The following UQCC1 variants were observed in gnomAD, a reference collection of about 807,000 sequenced individuals.
The protein encoded by UQCC1 is bFGF-repressed Zic-binding protein.
In UQCC1, 38 loss-of-function variants were observed where a neutral mutation model predicts 48.0. The ratio of observed to expected loss-of-function variants is 0.79; its 90% CI spans 0.61 to 1.04. UQCC1 has a LOEUF of 1.04. Ranked by LOEUF, UQCC1 falls within the 50% of genes least tolerant of loss-of-function variation. The probability of loss-of-function intolerance (pLI) is 0.00; values close to 1 mark genes in which losing one functional copy is unlikely to be tolerated. For synonymous variants in UQCC1, 111 were observed against 129.2 expected (o/e 0.86, Z 0.95); for missense variants, 368 against 381.8 (o/e 0.96, Z 0.30).
At chr20:35,393,935 T>C (rs2062042797) in intron 2 of UQCC1, among the ~76,000 whole-genome samples, 157 bp downstream of exon 2, 1 of 152,306 alleles carries the variant, frequency 6.6e-6, no homozygotes, top group Non-Finnish European at 1.5e-5. Context: ...CTAGACACCA[T>C]ACTTTAGGAA....
At chr20:35,374,365 C>T (rs1424973620) in intron 4 of UQCC1, 109 bp from the exon 5 acceptor site, 3 of 757,824 alleles carry the variant, frequency 4.0e-6, no homozygotes, top group South Asian at 2.1e-5. Context: ...AGGAAGGGTC[C>T]AAACCACTCT....
At chr20:35,395,783 C>G (rs1322697867) in intron 1 of UQCC1, among the ~76,000 whole-genome samples, 1 of 151,876 alleles carries the variant, frequency 6.6e-6, no homozygotes, top group Non-Finnish European at 1.5e-5. Context: ...AAAATGGGAC[C>G]AAGACCAAGC....
intron 7 of UQCC1, among the ~76,000 whole-genome samples, chr20:35,324,562 G>C (rs1568657117): frequency 6.6e-6 from 1 of 152,170 alleles, no homozygotes; most frequent in African/African-American, 2.4e-5. Context: ...TCCTGACCTT[G>C]TGATCTGCCC....
At chr20:35,344,126 CATTT>C (rs1444787081) in intron 7 of UQCC1, 12 of 152,182 alleles carry the variant, frequency 7.9e-5, no homozygotes, top group African/African-American at 1.9e-4. Context: ...TCAATATATT[CATTT>C]ATTTGACAAT....
chr20:35,373,183 C>T (rs2061754207), intron 5 of UQCC1, among the ~76,000 whole-genome samples: 1 of 152,162 alleles, frequency 6.6e-6, no homozygotes, highest in Non-Finnish European at 1.5e-5. Context: ...TAACAATCAA[C>T]TGCTTCTGAC....
chr20:35,345,491 C>A (rs532586649), intron 7 of UQCC1: 1 of 152,110 alleles, frequency 6.6e-6, no homozygotes, highest in African/African-American at 2.4e-5. Context: ...AGTGAGAGAG[C>A]TGAAAAAATA....
At chr20:35,347,461 G>A (rs148546810) in intron 6 of UQCC1, among the ~76,000 whole-genome samples, 189 bp from the exon 7 acceptor site, 1 of 151,854 alleles carries the variant, frequency 6.6e-6, no homozygotes, top group East Asian at 1.9e-4. Context: ...AATCTTAAGT[G>A]TACTGCCTGA....
At chr20:35,389,434 C>T (rs2061986895) in intron 2 of UQCC1, among the ~76,000 whole-genome samples, 1 of 151,860 alleles carries the variant, frequency 6.6e-6, no homozygotes, top group South Asian at 2.1e-4. Context: ...GTGGTGAGCT[C>T]GCACCTGTAA....
chr20:35,309,444 A>T (rs1361867177), intron 8 of UQCC1, among the ~76,000 whole-genome samples: 1 of 152,046 alleles, frequency 6.6e-6, no homozygotes, highest in Non-Finnish European at 1.5e-5. Flanking sequence ...GGAAAAAAAA[A>T]AAGAATAGCT....
intron 7 of UQCC1, among the ~76,000 whole-genome samples, chr20:35,334,001 T>C (rs2061287525): frequency 6.6e-6 from 1 of 152,190 alleles, no homozygotes; most frequent in Admixed American, 6.5e-5. Flanking sequence ...AAGCCTTCCA[T>C]ATATGCTTCT....
At chr20:35,310,644 CAAAAAAAAAAA>C (rs1199768843) in intron 8 of UQCC1, among the ~76,000 whole-genome samples, 78 of 44,150 alleles carry the variant, frequency 1.8e-3, no homozygotes, top group Non-Finnish European at 2.7e-3. Flanking sequence ...GACTCTGTCT[CAAAAAAAAAAA>C]AAAAAAAAAA....
At chr20:35,339,009 T>C (rs897685684) in intron 7 of UQCC1, among the ~76,000 whole-genome samples, 2 of 148,286 alleles carry the variant, frequency 1.3e-5, no homozygotes, top group South Asian at 4.3e-4. Flanking sequence ...CCAAGGTTCA[T>C]CCATCCTATA....
chr20:35,319,066 C>G (rs1279861526), intron 7 of UQCC1, among the ~76,000 whole-genome samples: 4 of 152,146 alleles, frequency 2.6e-5, no homozygotes, highest in Non-Finnish European at 5.9e-5. Context: ...CCCATACATA[C>G]AACACCACAA....
intron 4 of UQCC1, among the ~76,000 whole-genome samples, chr20:35,381,699 TAG>T (rs1175898783): frequency 6.6e-6 from 1 of 152,064 alleles, no homozygotes; most frequent in African/African-American, 2.4e-5. Flanking sequence ...AGGTCGCACA[TAG>T]AGTGGTCAAG....
intron 1 of UQCC1, among the ~76,000 whole-genome samples, chr20:35,396,922 G>A (rs1480486746): frequency 1.3e-5 from 2 of 152,126 alleles, no homozygotes; most frequent in Admixed American, 6.6e-5. Flanking sequence ...GCCATAATGA[G>A]GACCAGATAC....
chr20:35,350,967 G>A (rs1474526594), intron 6 of UQCC1, among the ~76,000 whole-genome samples: 3 of 150,658 alleles, frequency 2.0e-5, no homozygotes, highest in African/African-American at 4.9e-5. Context: ...GCTTGAACCC[G>A]AGGGGTGGAG....
intron 8 of UQCC1, among the ~76,000 whole-genome samples, chr20:35,311,780 G>C (rs146337077): frequency 4.6e-5 from 7 of 152,280 alleles, no homozygotes; most frequent in African/African-American, 1.7e-4. Flanking sequence ...AGAATCTTTG[G>C]GGGACAGGGC....
intron 9 of UQCC1, 24 bp from the exon 10 acceptor site, chr20:35,304,093 AG>A: frequency 6.2e-7 from 1 of 1,613,720 alleles, no homozygotes. Context: ...AGGGGGAAGG[AG>A]GAAGCGACAG....
intron 1 of UQCC1, among the ~76,000 whole-genome samples, chr20:35,408,780 A>AG (rs1275791108): frequency 6.6e-6 from 1 of 152,006 alleles, no homozygotes; most frequent in Non-Finnish European, 1.5e-5. Flanking sequence ...ACTTGAGCCC[A>AG]GGAGGTCAAG....
Sources: allele counts gnomAD v4.1 joint callset (sites outside exome capture counted in the v4.1 genomes callset), GRCh38; gene constraint gnomAD v4.1.1; transcripts MANE v1.5; gene names NCBI Gene and HGNC (gene_info 2026-07-23, HGNC 2026-07-21).